The following SLITRK5 variants were observed in gnomAD, a reference collection of about 807,000 sequenced individuals.
SLITRK5 encodes SLIT and NTRK-like protein 5.
A neutral mutation model predicts 56.2 loss-of-function variants in SLITRK5; 23 were observed. That is an observed-to-expected ratio of 0.41 (90% CI 0.29 to 0.58). SLITRK5 has a LOEUF of 0.58. SLITRK5 is among the 20% of genes least tolerant of loss of function. SLITRK5 has a pLI of 0.30. For synonymous variants in SLITRK5, 637 were observed against 531.8 expected (o/e 1.20, Z -2.72); for missense variants, 1,289 against 1,226.6 (o/e 1.05, Z -0.76).
At position 87,671,884 on chromosome 13, in the gene SLITRK5, A is replaced by T. The variant is rs1488505355; in HGVS notation, c.-334A>T. ...GCTGGGGGGCGGAGGACAGCGCAGG[A>T]GCTGCAGCCGCCGCCTTCGCTGGAG... On this transcript the variant is annotated 5_prime_UTR_variant, in exon 1 of 2. Coordinates refer to ENST00000683689, the MANE Select transcript of SLITRK5 (RefSeq NM_001384609.1). 6.6e-6 allele frequency among the ~76,000 whole-genome samples: 1 copy of T among 151,902 alleles called. No homozygotes were observed. Among genetic ancestry groups the T allele is most frequent in the Admixed American group, 6.5e-5 (1 of 15,286 alleles).
In SLITRK5 at chr13:87,675,665, T is replaced by C; in HGVS notation, c.277T>C (p.Leu93=). The C allele has an allele frequency of 6.2e-7, 1 of 1,614,192 alleles. No individual in the cohort carries two copies. Among genetic ancestry groups the C allele is most frequent in the Non-Finnish European group, 8.5e-7 (1 of 1,180,048 alleles). ...CCACCTCTTGTTGTCCGGAAACCTT[T>C]TGAACCGTCTCTATCCCAATGAGTT... ...IYHLLLSGNL[L]NRLYPNEFVN... is the part of the protein sequence containing the mutation. Residue 93 remains leucine (L), a synonymous_variant, in exon 2 of 2, where the codon TTG becomes CTG. Transcript: ENST00000683689.
rs1291713852 is a variant in SLITRK5 at position 87,677,465 on chromosome 13, A to G, written c.2077A>G (p.Lys693Glu). The G allele has an allele frequency of 6.2e-7, 1 of 1,612,280 alleles. No individual in the cohort carries two copies. Among genetic ancestry groups the G allele is most frequent in the African/African-American group, 1.3e-5 (1 of 74,902 alleles). ...GLFVLVMKRR[K>E]KNQSDHTSTN... ...CTTCGTGCTGGTCATGAAGCGCAGG[A>G]AGAAGAACCAGAGCGACCACACCAG... The change falls in exon 2 of 2, where the codon AAG becomes GAG. Residue 693 changes from lysine to glutamate, a missense_variant. By Grantham distance (56) the Lys-to-Glu change is moderately conservative. This residue lies in a region of SLITRK5 where 985 missense variants were observed against 906.0 expected (regional missense o/e 1.09). Transcript: ENST00000683689. This position sits in a 1 kb window ranked among gnomAD's most constrained non-coding sequence, Gnocchi z 4.7.
rs918190361 is a variant in SLITRK5 at position 87,677,175 on chromosome 13, A to G, written c.1787A>G (p.Lys596Arg). 21 of 1,614,028 alleles carry G rather than the reference A, an allele frequency of 1.3e-5. No individual in the cohort carries two copies. Among genetic ancestry groups the G allele is most frequent in the African/African-American group, 9.3e-5 (7 of 74,916 alleles). Residue 596 changes from lysine (K) to arginine (R), a missense_variant, in exon 2 of 2, where the codon AAA becomes AGA. Lys to Arg is a conservative substitution (Grantham distance 26). Transcript: ENST00000683689. This position sits in a 1 kb window ranked among gnomAD's most constrained non-coding sequence, Gnocchi z 4.7. ...LVDEVICKAPKKFAETDMRSI... is the reference protein window; with the variant it reads ...LVDEVICKAPRKFAETDMRSI... ...GACGAGGTGATCTGTAAGGCGCCCA[A>G]AAAATTCGCTGAGACCGACATGCGC...
At position 87,678,082 on chromosome 13, in the gene SLITRK5, C is replaced by G. The variant is rs949422970; in HGVS notation, c.2694C>G (p.Pro898=). The G allele has an allele frequency of 6.2e-7, 1 of 1,614,082 alleles. No individual in the cohort carries two copies. The highest frequency in any genetic ancestry group is 1.3e-5 in the African/African-American group (1 of 74,950). ...TFSPNYDLRR[P]HQYLHPGAGD... ...CCCCCAACTATGACCTGAGACGCCCCCATCAGTATTTGCACCCGGGGGCAG... is the reference window on the plus strand; with the variant it reads ...CCCCCAACTATGACCTGAGACGCCCGCATCAGTATTTGCACCCGGGGGCAG... The change falls in exon 2 of 2, where the codon CCC becomes CCG. Residue 898 remains proline, a synonymous_variant. Coordinates refer to ENST00000683689, the MANE Select transcript of SLITRK5 (RefSeq NM_001384609.1).
rs762138298 is a variant in SLITRK5, at chr13:87,676,516, C to T, written c.1128C>T (p.Thr376=). 1 of 1,614,084 alleles carries T rather than the reference C, an allele frequency of 6.2e-7. No homozygotes were observed. ...CCCCGGTGCCTTTGGAGTGTCCCAC[C>T]GCGTGCTCTTGCAACCTGCAGATCT... ...TKSPVPLECP[T]ACSCNLQISD... is the part of the protein sequence containing the mutation. Residue 376 remains threonine, a synonymous_variant, in exon 2 of 2, where the codon ACC becomes ACT. Coordinates refer to ENST00000683689, the MANE Select transcript of SLITRK5 (RefSeq NM_001384609.1).
chr13:87,674,261 C>A, intron 1 of SLITRK5: 2 of 351,870 alleles, frequency 5.7e-6, no homozygotes, highest in Non-Finnish European at 8.0e-6. Context: ...TCAGCCCAGG[C>A]GTCCTTTCCC....
rs200102801 is a variant in SLITRK5 at position 87,676,900 on chromosome 13, C to G, written c.1512C>G (p.Val504=). ...TTCAGTCTGGAACTTTTGACCCGGT[C>G]CCAAACCTCCAGCTGCTATTCTTGA... ...REIQSGTFDP[V]PNLQLLFLNN... is the part of the protein sequence containing the mutation. Residue 504 remains valine, a synonymous_variant, in exon 2 of 2, where the codon GTC becomes GTG. Transcript: ENST00000683689. 1.2e-5 allele frequency: 19 copies of G among 1,614,134 alleles called. 1 individual carries two copies. In the Admixed American group the frequency reaches 2.7e-4, roughly 23 times the overall value.
At position 87,677,158 on chromosome 13, in the gene SLITRK5, G is replaced by C. The variant is rs959562788; in HGVS notation, c.1770G>C (p.Val590=). The change falls in exon 2 of 2, where the codon GTG becomes GTC. Residue 590 remains valine, a synonymous_variant. Coordinates refer to ENST00000683689, the MANE Select transcript of SLITRK5 (RefSeq NM_001384609.1). The surrounding 1 kb of genome is among the most constrained non-coding windows in gnomAD (Gnocchi z 4.7). The stretch of plus-strand genomic sequence containing the variant: ...AAGTGGGCGTCCTAGTGGACGAGGT[G>C]ATCTGTAAGGCGCCCAAAAAATTCG... The part of the protein sequence containing the change: ...QLKVGVLVDE[V]ICKAPKKFAE... 4 of 1,614,066 alleles carry C rather than the reference G, an allele frequency of 2.5e-6. No individual in the cohort carries two copies. In the African/African-American group the frequency reaches 5.3e-5, roughly 22 times the overall value.
chr13:87,677,285 A>G lies in SLITRK5; in HGVS notation c.1897A>G (p.Arg633Gly), dbSNP rs1305248237. ...PTPSSIQVPA[R>G]TSAVTPAVRL... The stretch of plus-strand genomic sequence containing the variant: ...ACCCTCCTCTATCCAGGTCCCTGCG[A>G]GGACCAGCGCCGTGACTCCTGCGGT... Residue 633 changes from arginine (R) to glycine (G), a missense_variant, in exon 2 of 2, where the codon AGG becomes GGG. This residue lies in a region of SLITRK5 where 985 missense variants were observed against 906.0 expected (regional missense o/e 1.09). Transcript: ENST00000683689. The surrounding 1 kb of genome is among the most constrained non-coding windows in gnomAD (Gnocchi z 4.7). 1.9e-6 allele frequency: 3 copies of G among 1,614,174 alleles called. No homozygotes were observed. Among genetic ancestry groups the G allele is most frequent in the Non-Finnish European group, 1.7e-6 (2 of 1,180,032 alleles).
In SLITRK5 at chr13:87,672,117, C is replaced by T. The variant is rs1593969299; in HGVS notation, c.-101C>T. ...GAGGGGAGGGCCGGCCGGCGCGAAC[C>T]CAGGCCGGAGGGTGCGAGGAGCCAG... On this transcript the variant is annotated 5_prime_UTR_variant, in exon 1 of 2. Transcript: ENST00000683689. Among the ~76,000 whole-genome samples, 3 of 152,128 alleles carry T rather than the reference C, an allele frequency of 2.0e-5. No individual in the cohort carries two copies. The highest frequency in any genetic ancestry group is 3.9e-4 in the East Asian group (2 of 5,104).
rs1298657428 is a variant in SLITRK5, at chr13:87,679,311, A to G, written c.*1046A>G. 1.2e-5 allele frequency: 2 copies of G among 167,080 alleles called. No individual in the cohort carries two copies. Among genetic ancestry groups the G allele is most frequent in the Non-Finnish European group, 2.9e-5 (2 of 68,120 alleles). The allele number at this position is 167,080 out of a possible 1,614,324, so 10.3% of individuals were successfully genotyped here. A position where few individuals can be genotyped will look rare whatever the true frequency, so the allele number is the denominator to read the frequency against. ...TTTGGGTTTTATTAGAAAATATTTGAAAGTATTTTTATTAATGAACCAAAA... is the reference window on the plus strand; with the variant it reads ...TTTGGGTTTTATTAGAAAATATTTGGAAGTATTTTTATTAATGAACCAAAA... On this transcript the variant is annotated 3_prime_UTR_variant, in exon 2 of 2. Coordinates refer to ENST00000683689, the MANE Select transcript of SLITRK5 (RefSeq NM_001384609.1).
In SLITRK5 at chr13:87,678,593, A is replaced by C. The variant is rs1877401752; in HGVS notation, c.*328A>C. 7.3e-6 allele frequency: 2 copies of C among 275,666 alleles called. No homozygotes were observed. The highest frequency in any genetic ancestry group is 9.8e-5 in the Admixed American group (2 of 20,492). 17.1% of individuals were successfully genotyped at this position (275,666 alleles called of 1,614,324 possible). On this transcript the variant is annotated 3_prime_UTR_variant, in exon 2 of 2. Transcript: ENST00000683689. Reference sequence around the variant, plus strand: ...TTTTGTAGTGGTTGGAAGTGCTAAGAATGGTGGATGATGGCAGAGCATAGA... The same window carrying C: ...TTTTGTAGTGGTTGGAAGTGCTAAGCATGGTGGATGATGGCAGAGCATAGA...
Position 87,678,340 on chromosome 13 carries a change from A to G in SLITRK5, c.*75A>G. The G allele has an allele frequency of 7.3e-7, 1 of 1,360,814 alleles. No homozygotes were observed. Among genetic ancestry groups the G allele is most frequent in the Non-Finnish European group, 1.0e-6 (1 of 989,532 alleles). The allele number at this position is 1,360,814 out of a possible 1,614,324, so 84.3% of individuals were successfully genotyped here. ...CAGACACACACAGTGAACACATTTG[A>G]TTAATTGTGTTGTTTCAACGTTTAG... On this transcript the variant is annotated 3_prime_UTR_variant, in exon 2 of 2. Transcript: ENST00000683689.
In SLITRK5 at chr13:87,677,365, G is replaced by A; in HGVS notation, c.1977G>A (p.Ser659=). ...GCTTGGGCGCAGGCGGAGGGGCGTCGTCGGTGCCCTTGTCTGTGTTAATTC... is the reference window on the plus strand; with the variant it reads ...GCTTGGGCGCAGGCGGAGGGGCGTCATCGGTGCCCTTGTCTGTGTTAATTC... ...PASLGAGGGA[S]SVPLSVLILS... Residue 659 remains serine (S), a synonymous_variant, in exon 2 of 2, where the codon TCG becomes TCA. Coordinates refer to ENST00000683689, the MANE Select transcript of SLITRK5 (RefSeq NM_001384609.1). This position sits in a 1 kb window ranked among gnomAD's most constrained non-coding sequence, Gnocchi z 4.7. 3 of 1,614,042 alleles carry A rather than the reference G, an allele frequency of 1.9e-6. No individual in the cohort carries two copies. Among genetic ancestry groups the A allele is most frequent in the South Asian group, 1.1e-5 (1 of 91,078 alleles).
rs9557425 is a variant in SLITRK5 at position 87,672,205 on chromosome 13, C to G, written c.-13C>G. ...AGAAAGTTGCCCCCTATGCAGATGGCAACTGTGAGTACCCCTGTGGGGGGG... is the reference window on the plus strand; with the variant it reads ...AGAAAGTTGCCCCCTATGCAGATGGGAACTGTGAGTACCCCTGTGGGGGGG... On this transcript the variant is annotated 5_prime_UTR_variant, in exon 1 of 2. Transcript: ENST00000683689. Among the ~76,000 whole-genome samples, 70,671 of 151,868 alleles carry G rather than the reference C, an allele frequency of 0.47. 18,091 individuals are homozygous for G. The highest frequency in any genetic ancestry group is 0.94 in the East Asian group (4,749 of 5,052).
chr13:87,671,528 G>C lies in SLITRK5; in HGVS notation c.-690G>C, dbSNP rs898192946. Among the ~76,000 whole-genome samples the C allele has an allele frequency of 1.3e-5, 2 of 151,996 alleles. No individual in the cohort carries two copies. Among genetic ancestry groups the C allele is most frequent in the Non-Finnish European group, 2.9e-5 (2 of 68,000 alleles). ...TTGCTTACCGCGTTGCCACCTCCTCGGCGCCCGGGAGGAAGACGCAACTTT... is the reference window on the plus strand; with the variant it reads ...TTGCTTACCGCGTTGCCACCTCCTCCGCGCCCGGGAGGAAGACGCAACTTT... On this transcript the variant is annotated 5_prime_UTR_variant, in exon 1 of 2. Coordinates refer to ENST00000683689, the MANE Select transcript of SLITRK5 (RefSeq NM_001384609.1).
chr13:87,673,632 C>A, intron 1 of SLITRK5: 1 of 692,568 alleles, frequency 1.4e-6, no homozygotes, highest in Non-Finnish European at 2.3e-6. Context: ...AGCCGGGAGA[C>A]GTTTACCGTT....
chr13:87,673,850 T>C (rs1294698724), intron 1 of SLITRK5, among the ~76,000 whole-genome samples: 1 of 152,092 alleles, frequency 6.6e-6, no homozygotes, highest in African/African-American at 2.4e-5. Flanking sequence ...GGAAACATCT[T>C]GGCTTTAGTT....
chr13:87,673,782 G>A (rs1259792311), intron 1 of SLITRK5, among the ~76,000 whole-genome samples: 2 of 152,010 alleles, frequency 1.3e-5, no homozygotes, highest in African/African-American at 4.8e-5. Context: ...TTAATAACGC[G>A]GGCTGGAGTC....
Sources: allele counts gnomAD v4.1 joint callset (sites outside exome capture counted in the v4.1 genomes callset), GRCh38; gene constraint gnomAD v4.1.1; regional missense constraint gnomAD v4.1.1; non-coding constraint Gnocchi (gnomAD v3.1); transcripts MANE v1.5; gene names NCBI Gene and HGNC (gene_info 2026-07-23, HGNC 2026-07-21).